Variants in GARNL3 observed in about 807,000 individuals in gnomAD.
GARNL3 encodes GTPase-activating Rap/Ran-GAP domain-like protein 3.
GARNL3 carries 63 observed loss-of-function variants against 125.0 expected under a neutral mutation model. That is an observed-to-expected ratio of 0.50 (90% CI 0.41 to 0.62). The LOEUF (loss-of-function observed/expected upper bound fraction) is 0.62. Ranked by LOEUF, GARNL3 falls within the 20% of genes least tolerant of loss-of-function variation. The pLI is 0.00. For synonymous variants in GARNL3, 439 were observed against 457.5 expected, an observed-to-expected ratio of 0.96 and a Z score of 0.52; for missense variants, 994 against 1,244.0, an observed-to-expected ratio of 0.80 and a Z score of 3.02.
chr9:127,387,371 T>C lies in GARNL3; in HGVS notation c.2527+40T>C, dbSNP rs111873427. The stretch of plus-strand genomic sequence containing the variant: ...TTACTGTTTTATTAATATTTGTAAT[T>C]CACTCTAATTTCTCTAGTTTGTTGT... On this transcript the variant is annotated intron_variant, in intron 25 of 27. Coordinates refer to ENST00000373387, the MANE Select transcript of GARNL3 (RefSeq NM_032293.5). 1.9e-3 allele frequency: 2,998 copies of C among 1,551,362 alleles called. 44 individuals are homozygous for C. The African/African-American group carries it at 0.036, about 19-fold the overall frequency.
intron 1 of GARNL3, among the ~76,000 whole-genome samples, chr9:127,279,675 A>C (rs2131326403): frequency 6.6e-6 from 1 of 152,306 alleles, no homozygotes; most frequent in African/African-American, 2.4e-5. Context: ...TTTTGGTTTC[A>C]TAGTAAAGAT....
chr9:127,365,336 G>A lies in GARNL3; in HGVS notation c.2131G>A (p.Gly711Arg), dbSNP rs1278873934. 4 of 1,614,036 alleles carry A rather than the reference G, an allele frequency of 2.5e-6. No individual in the cohort carries two copies. Among genetic ancestry groups the A allele is most frequent in the Non-Finnish European group, 3.4e-6 (4 of 1,179,898 alleles). The change falls in exon 22 of 28, where the codon GGA becomes AGA. Residue 711 changes from glycine to arginine, a missense_variant. Transcript: ENST00000373387. ...FVAAIDVYEDGEAGLLLCYNY... is the reference protein window; with the variant it reads ...FVAAIDVYEDREAGLLLCYNY... ...TGCAGCTATTGATGTGTACGAAGAT[G>A]GAGAAGCTGGTTTGCTGTTGTGTTA...
rs556284485 is a variant in GARNL3 at position 127,271,062 on chromosome 9, G to A, written c.144+6041G>A. Among the ~76,000 whole-genome samples the A allele has an allele frequency of 1.2e-4, 18 of 150,186 alleles. 1 individual carries two copies. The highest frequency in any genetic ancestry group is 2.1e-4 in the Non-Finnish European group (14 of 68,030). On this transcript the variant is annotated intron_variant, in intron 1 of 27. Coordinates refer to ENST00000373387, the MANE Select transcript of GARNL3 (RefSeq NM_032293.5). Reference sequence around the variant, plus strand: ...CCCCTCAGCAATGCTTGTGGACAGGGCAGATTTTCTCTGGAGATGATATAG... The same window carrying A: ...CCCCTCAGCAATGCTTGTGGACAGGACAGATTTTCTCTGGAGATGATATAG...
intron 13 of GARNL3, among the ~76,000 whole-genome samples, chr9:127,340,029 T>C (rs765107651): frequency 7.2e-5 from 11 of 152,164 alleles, no homozygotes; most frequent in Non-Finnish European, 1.5e-4. Context: ...CCCTGTGTTC[T>C]GATAGAGCCA....
chr9:127,383,381 T>C, intron 22 of GARNL3, 57 bp from the exon 23 acceptor site: 1 of 1,052,452 alleles, frequency 9.5e-7, no homozygotes, highest in South Asian at 1.4e-5. Context: ...TTTCTTTAAT[T>C]ACAGTCATCT....
In GARNL3 at chr9:127,389,009, C is replaced by T. The variant is rs1336606677; in HGVS notation, c.2633C>T (p.Pro878Leu). The T allele has an allele frequency of 3.2e-5, 52 of 1,613,292 alleles. No individual in the cohort carries two copies. Among genetic ancestry groups the T allele is most frequent in the Non-Finnish European group, 4.4e-5 (52 of 1,179,210 alleles). Residue 878 changes from proline to leucine, a missense_variant, in exon 26 of 28, where the codon CCA becomes CTA. By Grantham distance (98) the Pro-to-Leu change is moderately conservative. This residue lies in a region of GARNL3 where 728 missense variants were observed against 865.7 expected (regional missense o/e 0.84). Transcript: ENST00000373387. ...KSPLVSKVIT[P>L]PTPISVGLAA... ...CCCTTAGTCTCCAAGGTCATCACCC[C>T]ACCCACTCCCATCAGTGTGGGCCTT...
At chr9:127,244,575 G>T (rs1239351228) in intron 2 of GARNL3, among the ~76,000 whole-genome samples, 1 of 152,184 alleles carries the variant, frequency 6.6e-6, no homozygotes, top group Non-Finnish European at 1.5e-5. Flanking sequence ...CTCACGTGTG[G>T]TAGACGTTGA....
At chr9:127,251,156 C>T (rs149584005) in intron 2 of GARNL3, among the ~76,000 whole-genome samples, 51 of 152,240 alleles carry the variant, frequency 3.3e-4, no homozygotes, top group Admixed American at 1.8e-3. Context: ...AGGCAAAAGG[C>T]AATTGTTTGG....
intron 1 of GARNL3, among the ~76,000 whole-genome samples, chr9:127,231,742 C>T (rs777081261): frequency 2.0e-5 from 3 of 152,154 alleles, no homozygotes; most frequent in Non-Finnish European, 4.4e-5. Context: ...TCTACTTAGT[C>T]GGAATCTGTG....
At chr9:127,362,487 A>ACCC in intron 21 of GARNL3, 1 of 152,306 alleles carries the variant, frequency 6.6e-6, no homozygotes, top group Middle Eastern at 3.4e-3. Flanking sequence ...CAGCTGGCTG[A>ACCC]CTCCAGAGAC....
rs2131389393 is a variant in GARNL3, at chr9:127,295,998, G to A, written c.219+4756G>A. Among the ~76,000 whole-genome samples, 2 of 152,298 alleles carry A rather than the reference G, an allele frequency of 1.3e-5. 1 individual carries two copies. The highest frequency in any genetic ancestry group is 3.9e-4 in the East Asian group (2 of 5,186). On this transcript the variant is annotated intron_variant, in intron 2 of 27. Coordinates refer to ENST00000373387, the MANE Select transcript of GARNL3 (RefSeq NM_032293.5). ...CCTGCAAATAGACGGTTCCATCTGG[G>A]AGTTATAGGAGACAGTGACAAATCA...
chr9:127,354,028 G>A (rs1830549149), intron 18 of GARNL3, 84 bp downstream of exon 18: 1 of 894,832 alleles, frequency 1.1e-6, no homozygotes, highest in South Asian at 1.4e-5. Context: ...GCCAGGGTCT[G>A]ACTGCATAAG....
rs767409905 is a variant in GARNL3 at position 127,344,310 on chromosome 9, C to T, written c.1327C>T (p.Arg443Cys). The T allele has an allele frequency of 5.0e-6, 8 of 1,613,706 alleles. No homozygotes were observed. The highest frequency in any genetic ancestry group is 3.3e-5 in the Admixed American group (2 of 60,006). Reference sequence around the variant, plus strand: ...GTCAGCGCGGAAGAAAGAGGAGGCCCGCCAGGCGGAGTTTGTTAGAATAGG... The same window carrying T: ...GTCAGCGCGGAAGAAAGAGGAGGCCTGCCAGGCGGAGTTTGTTAGAATAGG... ...PKSARKKEEA[R>C]QAEFVRIGQA... Residue 443 changes from arginine (R) to cysteine (C), a missense_variant, in exon 15 of 28, where the codon CGC becomes TGC. Physicochemically the swap from Arg to Cys is radical, Grantham distance 180 (BLOSUM62 -3). Coordinates refer to ENST00000373387, the MANE Select transcript of GARNL3 (RefSeq NM_032293.5).
chr9:127,243,587 T>G (rs1051532144), intron 2 of GARNL3, among the ~76,000 whole-genome samples: 2 of 152,250 alleles, frequency 1.3e-5, no homozygotes, highest in African/African-American at 4.8e-5. Flanking sequence ...CTATGAAATG[T>G]GCTGCCTTGA....
chr9:127,235,666 CAA>C (rs1377732675), intron 1 of GARNL3, among the ~76,000 whole-genome samples: 13 of 151,600 alleles, frequency 8.6e-5, no homozygotes, highest in Admixed American at 2.6e-4. Flanking sequence ...TTTAAAAAAA[CAA>C]AGAGGGAATG....
intron 22 of GARNL3, among the ~76,000 whole-genome samples, chr9:127,380,488 G>A (rs1336368339): frequency 6.6e-6 from 1 of 152,060 alleles, no homozygotes. Context: ...ACTTGTACAG[G>A]AATGTTCATA....
intron 1 of GARNL3, among the ~76,000 whole-genome samples, chr9:127,290,944 GT>G (rs3839883): frequency 0.9 from 136,320 of 152,146 alleles, 61,197 homozygotes; most frequent in East Asian, 0.95. Flanking sequence ...TGATGCTCTT[GT>G]TTTTCCACTC....
At chr9:127,309,412 ACT>A (rs879404496) in intron 2 of GARNL3, among the ~76,000 whole-genome samples, 5 of 152,182 alleles carry the variant, frequency 3.3e-5, no homozygotes, top group Non-Finnish European at 7.3e-5. Context: ...GGCATTTAGC[ACT>A]CTCTCAATGC....
chr9:127,261,402 T>G (rs994399909), upstream of GARNL3, among the ~76,000 whole-genome samples: 1 of 146,524 alleles, frequency 6.8e-6, no homozygotes, highest in Non-Finnish European at 1.5e-5. Flanking sequence ...GTGTTTTTTT[T>G]GTTGGTTTTT....
Sources: allele counts gnomAD v4.1 joint callset (sites outside exome capture counted in the v4.1 genomes callset), GRCh38; gene constraint gnomAD v4.1.1; regional missense constraint gnomAD v4.1.1; transcripts MANE v1.5; gene names NCBI Gene and HGNC (gene_info 2026-07-23, HGNC 2026-07-21).